SHMT1: variants seen among roughly 807,000 people sequenced by gnomAD.
The protein encoded by SHMT1 is serine hydroxymethyltransferase, cytosolic.
In SHMT1, 45 loss-of-function variants were observed where a neutral mutation model predicts 49.0. The ratio of observed to expected loss-of-function variants is 0.92; its 90% CI spans 0.72 to 1.18. The LOEUF is 1.18. SHMT1 is among the 50% of genes most tolerant of loss of function. The pLI, the probability that SHMT1 is intolerant of heterozygous loss-of-function variation, is 0.00. For synonymous variants in SHMT1, 232 were observed against 246.6 expected (o/e 0.94, Z 0.55); for missense variants, 541 against 612.4 (o/e 0.88, Z 1.23).
At position 18,333,446 on chromosome 17, in the gene SHMT1, T is replaced by A. The variant is rs547697144; in HGVS notation, c.932-158A>T. The A allele has an allele frequency of 3.1e-4, 128 of 416,692 alleles. 2 individuals are homozygous for A. The highest frequency in any genetic ancestry group is 3.2e-4 in the Admixed American group (7 of 22,004). 25.8% of individuals were successfully genotyped at this position (416,692 alleles called of 1,614,324 possible). A position where few individuals can be genotyped will look rare whatever the true frequency, so the allele number is the denominator to read the frequency against. ...CTTTTCCTCCAAAATGATATATTTT[T>A]AAAAATTTTTTATTATTTATTATTT... On this transcript the variant is annotated intron_variant, in intron 8 of 11. Transcript: ENST00000316694.
chr17:18,353,471 CCT>C lies in SHMT1; in HGVS notation c.242+199_242+200del, dbSNP rs533568580. 1.9e-3 allele frequency: 1,262 copies of C among 663,902 alleles called. 1 individual carries two copies. Among genetic ancestry groups the C allele is most frequent in the East Asian group, 3.1e-3 (117 of 37,644 alleles). The allele number at this position is 663,902 out of a possible 1,614,324, so 41.1% of individuals were successfully genotyped here. On this transcript the variant is annotated intron_variant, in intron 3 of 11. Coordinates refer to ENST00000316694, the MANE Select transcript of SHMT1 (RefSeq NM_004169.5). ...CCCCCAAAGAACTGTGAAATGTGCC[CCT>C]GAGTACACCTGCGCTGAGCTCTTCA...
At chr17:18,355,865 T>G (rs1384313075) in intron 2 of SHMT1, 21 bp downstream of exon 2, 2 of 1,546,880 alleles carry the variant, frequency 1.3e-6, no homozygotes, top group Admixed American at 3.3e-5. Flanking sequence ...AAAAAATCTG[T>G]GAAGACCCCA....
rs1984437558 is a variant in SHMT1 at position 18,340,913 on chromosome 17, A to G, written c.520-100T>C. 1 of 842,190 alleles carries G rather than the reference A, an allele frequency of 1.2e-6. No individual in the cohort carries two copies. 52.2% of individuals were successfully genotyped at this position (842,190 alleles called of 1,614,324 possible). A position where few individuals can be genotyped will look rare whatever the true frequency, so the allele number is the denominator to read the frequency against. On this transcript the variant is annotated intron_variant, in intron 5 of 11. Transcript: ENST00000316694. The surrounding 1 kb of genome is among the most constrained non-coding windows in gnomAD (Gnocchi z 4.5). ...GGCTCCACCCACCATGACAAGAGGAATGATGTCCTAGATGAGGACTTGAGG... is the reference window on the plus strand; with the variant it reads ...GGCTCCACCCACCATGACAAGAGGAGTGATGTCCTAGATGAGGACTTGAGG...
intron 1 of SHMT1, among the ~76,000 whole-genome samples, chr17:18,360,707 A>T (rs1043147064): frequency 3.3e-5 from 5 of 152,216 alleles, no homozygotes; most frequent in Non-Finnish European, 7.3e-5. Context: ...CAATCTACGC[A>T]GAGTAAACAA....
chr17:18,329,493 C>T (rs887562686), intron 10 of SHMT1, 105 bp from the exon 11 acceptor site: 2 of 870,014 alleles, frequency 2.3e-6, no homozygotes, highest in South Asian at 2.8e-5. Flanking sequence ...CCTGAGGATA[C>T]TGGCTGTCCC....
At position 18,340,987 on chromosome 17, in the gene SHMT1, GCT is replaced by G; in HGVS notation, c.520-176_520-175del. On this transcript the variant is annotated intron_variant, in intron 5 of 11. Transcript: ENST00000316694. This position sits in a 1 kb window ranked among gnomAD's most constrained non-coding sequence, Gnocchi z 4.5. ...TGTTCAGCCTGCTCAACCAAGTATG[GCT>G]CACAGACCCAGGAGTCCCTGAGGAG... The G allele has an allele frequency of 1.5e-6, 1 of 647,976 alleles. No homozygotes were observed. Among genetic ancestry groups the G allele is most frequent in the Non-Finnish European group, 2.8e-6 (1 of 354,256 alleles). The allele number at this position is 647,976 out of a possible 1,614,324, so 40.1% of individuals were successfully genotyped here. A position where few individuals can be genotyped will look rare whatever the true frequency, so the allele number is the denominator to read the frequency against.
At chr17:18,331,704 A>C (rs1983229082) in intron 9 of SHMT1, 2 of 152,288 alleles carry the variant, frequency 1.3e-5, no homozygotes, top group South Asian at 4.1e-4. Context: ...AGGCCTGGTC[A>C]GAATCTGCAT....
intron 3 of SHMT1, among the ~76,000 whole-genome samples, chr17:18,351,905 C>T (rs1436360895): frequency 2.0e-5 from 3 of 152,016 alleles, no homozygotes; most frequent in Non-Finnish European, 4.4e-5. Flanking sequence ...AGTGCATTGG[C>T]AAAATCATAG....
rs191995822 is a variant in SHMT1 at position 18,352,376 on chromosome 17, G to C, written c.242+1296C>G. On this transcript the variant is annotated intron_variant, in intron 3 of 11. Transcript: ENST00000316694. ...TTAGCCAGGATGGTCTCGATCTCCT[G>C]ACCTCGTGATCCGCCCGCCTGGGCC... Among the ~76,000 whole-genome samples, 208 of 152,244 alleles carry C rather than the reference G, an allele frequency of 1.4e-3. 1 individual carries two copies. The highest frequency in any genetic ancestry group is 1.9e-3 in the South Asian group (9 of 4,828).
chr17:18,340,343 T>G lies in SHMT1; in HGVS notation c.602-88A>C. On this transcript the variant is annotated intron_variant, in intron 6 of 11. Transcript: ENST00000316694. The surrounding 1 kb of genome is among the most constrained non-coding windows in gnomAD (Gnocchi z 4.5). The stretch of plus-strand genomic sequence containing the variant: ...ACAGTGGCCTCTAGATGTGCAGATC[T>G]GAAAGCCCAGAGATTTCTTCCCTTA... 1 of 1,344,536 alleles carries G rather than the reference T, an allele frequency of 7.4e-7. No homozygotes were observed. The highest frequency in any genetic ancestry group is 1.2e-5 in the South Asian group (1 of 84,466). The allele number at this position is 1,344,536 out of a possible 1,614,324, so 83.3% of individuals were successfully genotyped here. A position where few individuals can be genotyped will look rare whatever the true frequency, so the allele number is the denominator to read the frequency against.
intron 9 of SHMT1, chr17:18,332,926 T>C (rs773345317): frequency 2.4e-5 from 14 of 577,926 alleles, no homozygotes; most frequent in Non-Finnish European, 3.2e-5. Context: ...GCAGTCCTTA[T>C]GCTGGTGACC....
chr17:18,347,459 C>A, intron 5 of SHMT1, 37 bp downstream of exon 5: 1 of 1,611,444 alleles, frequency 6.2e-7, no homozygotes, highest in Middle Eastern at 1.9e-4. Context: ...AGAGGTTTCC[C>A]AAGGAAATAA....
At position 18,340,199 on chromosome 17, in the gene SHMT1, C is replaced by T; in HGVS notation, c.658G>A (p.Glu220Lys). The change falls in exon 7 of 12, where the codon GAG (glutamate) becomes AAG (lysine). Residue 220 changes from glutamate (E) to lysine (K), a missense_variant. Glu to Lys is a moderately conservative substitution (Grantham distance 56). Transcript: ENST00000316694. The surrounding 1 kb of genome is among the most constrained non-coding windows in gnomAD (Gnocchi z 4.5). ...TCCGCCATGAGATACGCCCCGTTCT[C>T]ATCTGCAATCTTCCGTAGCCGGGCA... ...EYARLRKIAD[E>K]NGAYLMADMA... 1 of 1,614,242 alleles carries T rather than the reference C, an allele frequency of 6.2e-7. No individual in the cohort carries two copies. Among genetic ancestry groups the T allele is most frequent in the Non-Finnish European group, 8.5e-7 (1 of 1,180,052 alleles).
At chr17:18,352,877 G>A (rs537128074) in intron 3 of SHMT1, among the ~76,000 whole-genome samples, 1 of 151,446 alleles carries the variant, frequency 6.6e-6, no homozygotes, top group African/African-American at 2.4e-5. Flanking sequence ...TAGCCTGAAA[G>A]AAGAAAGAAA....
chr17:18,360,085 T>A (rs1986618864), intron 1 of SHMT1, among the ~76,000 whole-genome samples: 1 of 151,158 alleles, frequency 6.6e-6, no homozygotes, highest in South Asian at 2.1e-4. Flanking sequence ...CCGTCTCTAC[T>A]AAAAAATACA....
At chr17:18,329,617 C>A (rs1029288184) in intron 10 of SHMT1, among the ~76,000 whole-genome samples, 10 of 152,152 alleles carry the variant, frequency 6.6e-5, no homozygotes, top group Admixed American at 6.5e-5. Context: ...TCTGATGTGC[C>A]CCTTGCTCCT....
chr17:18,337,229 C>T (rs973653130), intron 7 of SHMT1, among the ~76,000 whole-genome samples: 9 of 152,206 alleles, frequency 5.9e-5, no homozygotes, highest in African/African-American at 2.2e-4. Flanking sequence ...AGAGGCTGCA[C>T]AGCTAGCCCT....
At position 18,340,701 on chromosome 17, in the gene SHMT1, G is replaced by T. The variant is rs747493700; in HGVS notation, c.601+31C>A. On this transcript the variant is annotated intron_variant, in intron 6 of 11. Transcript: ENST00000316694. The surrounding 1 kb of genome is among the most constrained non-coding windows in gnomAD (Gnocchi z 4.5). Reference sequence around the variant, plus strand: ...CTGTAAGAGGCACCAGGCTACTGGTGAACAAGGTGACTTTCCGCCCCGCGC... The same window carrying T: ...CTGTAAGAGGCACCAGGCTACTGGTTAACAAGGTGACTTTCCGCCCCGCGC... The T allele has an allele frequency of 1.9e-6, 3 of 1,589,176 alleles. No homozygotes were observed. The South Asian group carries it at 3.4e-5, about 18-fold the overall frequency.
At chr17:18,333,640 T>C (rs1476943796) in intron 8 of SHMT1, among the ~76,000 whole-genome samples, 2 of 150,358 alleles carry the variant, frequency 1.3e-5, no homozygotes, top group Non-Finnish European at 3.0e-5. Context: ...TAATTTTTGT[T>C]GGTATTTTTA....
Sources: gnomAD v4.1 joint callset for allele counts (sites outside exome capture counted in the v4.1 genomes callset) on GRCh38, gnomAD v4.1.1 for gene constraint, Gnocchi (gnomAD v3.1) non-coding constraint, MANE v1.5 for transcripts, NCBI Gene and HGNC (gene_info 2026-07-23, HGNC 2026-07-21) for gene names.